The following PLXNA4 variants were observed in gnomAD, a reference collection of about 807,000 sequenced individuals.
PLXNA4 encodes plexin A4.
In PLXNA4, 44 loss-of-function variants were observed where a neutral mutation model predicts 191.8. The observed-to-expected ratio is 0.23, with a 90% CI of 0.18 to 0.29. The LOEUF is 0.29. PLXNA4 is among the 10% of genes least tolerant of loss of function. The probability of loss-of-function intolerance (pLI) is 1.00; values close to 1 mark genes in which losing one functional copy is unlikely to be tolerated. For synonymous variants in PLXNA4, 1,082 were observed against 1,009.5 expected, an observed-to-expected ratio of 1.07 and a Z score of -1.36; for missense variants, 1,800 against 2,488.8, an observed-to-expected ratio of 0.72 and a Z score of 5.89.
chr7:132,364,821 TG>T (rs1804091089), intron 3 of PLXNA4, among the ~76,000 whole-genome samples: 1 of 152,202 alleles, frequency 6.6e-6, no homozygotes, highest in South Asian at 2.1e-4. Context: ...ATACTTCTAG[TG>T]TGTGAATTTA....
chr7:132,488,497 A>G (rs950349014), intron 3 of PLXNA4, among the ~76,000 whole-genome samples: 2 of 152,214 alleles, frequency 1.3e-5, no homozygotes, highest in Non-Finnish European at 2.9e-5. Context: ...CTGGGAAAGG[A>G]CTAAAATGCA....
chr7:132,330,691 G>A (rs2116692917), intron 3 of PLXNA4, among the ~76,000 whole-genome samples: 1 of 152,236 alleles, frequency 6.6e-6, no homozygotes, highest in South Asian at 2.1e-4. Flanking sequence ...ATGGCTGAGT[G>A]TCCCAGCTGT....
intron 8 of PLXNA4, among the ~76,000 whole-genome samples, chr7:132,225,833 G>A (rs1003040625): frequency 6.6e-6 from 1 of 152,228 alleles, no homozygotes; most frequent in African/African-American, 2.4e-5. Context: ...CACAACAGAT[G>A]GTGGAGATGG....
chr7:132,365,352 T>TGCGCGC (rs1554424531), intron 3 of PLXNA4, among the ~76,000 whole-genome samples: 1,709 of 89,840 alleles, frequency 0.019, 35 homozygotes, highest in African/African-American at 0.11. Flanking sequence ...TGTGTGTGTG[T>TGCGCGC]GTGTGTGTGC....
In PLXNA4 at chr7:132,491,273, C is replaced by A. The variant is rs1361963047; in HGVS notation, c.1189-1799G>T. On this transcript the variant is annotated intron_variant, in intron 2 of 31. Transcript: ENST00000321063. Reference sequence around the variant, plus strand: ...GTGTCACTTTTTTAAAGGCTTCAATCCAGCCAAAGGAAAGGGCATCTGGAG... The same window carrying A: ...GTGTCACTTTTTTAAAGGCTTCAATACAGCCAAAGGAAAGGGCATCTGGAG... 5.3e-5 allele frequency among the ~76,000 whole-genome samples: 8 copies of A among 152,298 alleles called. No individual in the cohort carries two copies. In the East Asian group the frequency reaches 1.3e-3, roughly 26 times the overall value.
chr7:132,445,805 T>G (rs1273838451), intron 3 of PLXNA4, among the ~76,000 whole-genome samples: 1 of 152,182 alleles, frequency 6.6e-6, no homozygotes, highest in African/African-American at 2.4e-5. Flanking sequence ...CAGGAAGCTC[T>G]TCTCTCTGGG....
intron 1 of PLXNA4, among the ~76,000 whole-genome samples, chr7:132,533,312 C>T (rs1431727404): frequency 6.6e-6 from 1 of 152,164 alleles, no homozygotes; most frequent in East Asian, 1.9e-4. Context: ...CCTTGCAGTG[C>T]TCTGAGGTCC....
chr7:132,585,874 TG>T (rs1229033015), intron 2 of PLXNA4, among the ~76,000 whole-genome samples: 3 of 152,108 alleles, frequency 2.0e-5, no homozygotes, highest in Non-Finnish European at 4.4e-5. Context: ...GGCCCCAACT[TG>T]GGGGGTTAGT....
intron 3 of PLXNA4, among the ~76,000 whole-genome samples, chr7:132,367,238 C>A (rs1804222658): frequency 6.6e-6 from 1 of 152,190 alleles, no homozygotes; most frequent in Non-Finnish European, 1.5e-5. Context: ...AGCTGAGTAG[C>A]CCTGGGCTGG....
chr7:132,497,406 A>G (rs1798069878), intron 2 of PLXNA4, among the ~76,000 whole-genome samples: 1 of 152,194 alleles, frequency 6.6e-6, no homozygotes, highest in Non-Finnish European at 1.5e-5. Context: ...CCTTGAGATG[A>G]CATCGTGTTT....
At position 132,642,096 on chromosome 7, in the gene PLXNA4, G is replaced by A. The variant is rs1275055453; in HGVS notation, c.-87+3832C>T. Reference sequence around the variant, plus strand: ...ATAATATATAAGCAAATTGCAAAGTGTGACAGAAAATGAATTTACTGAAGA... The same window carrying A: ...ATAATATATAAGCAAATTGCAAAGTATGACAGAAAATGAATTTACTGAAGA... On this transcript the variant is annotated intron_variant, in intron 2 of 4. Transcript: ENST00000378539. Among the ~76,000 whole-genome samples, 4 of 152,106 alleles carry A rather than the reference G, an allele frequency of 2.6e-5. No individual in the cohort carries two copies. The East Asian group carries it at 5.8e-4, about 22-fold the overall frequency.
chr7:132,251,768 G>T lies in PLXNA4; in HGVS notation c.1504-10602C>A, dbSNP rs1038100290. Among the ~76,000 whole-genome samples the T allele has an allele frequency of 3.3e-5, 5 of 152,202 alleles. No homozygotes were observed. In the South Asian group the frequency reaches 1.0e-3, roughly 32 times the overall value. ...GTAGCATTTGCACACACCTATGGGG[G>T]GCAGAAGTGTTCTGGACCACAGGAG... On this transcript the variant is annotated intron_variant, in intron 4 of 31. Coordinates refer to ENST00000321063, the MANE Select transcript of PLXNA4 (RefSeq NM_020911.2).
intron 29 of PLXNA4, among the ~76,000 whole-genome samples, chr7:132,143,996 C>T (rs553904440): frequency 6.6e-6 from 1 of 152,292 alleles, no homozygotes; most frequent in South Asian, 2.1e-4. Context: ...ACATTGAATA[C>T]AGTTTTGGTA....
At chr7:132,474,285 C>T (rs1797043869) in intron 3 of PLXNA4, among the ~76,000 whole-genome samples, 2 of 150,348 alleles carry the variant, frequency 1.3e-5, no homozygotes, top group South Asian at 4.2e-4. Flanking sequence ...AGCACTAGGG[C>T]GTTTGGGAAA....
In PLXNA4 at chr7:132,185,493, G is replaced by A. The variant is rs367953430; in HGVS notation, c.2994-30C>T. 5.6e-5 allele frequency: 89 copies of A among 1,595,362 alleles called. 1 individual carries two copies. In the East Asian group the frequency reaches 6.9e-4, roughly 12 times the overall value. On this transcript the variant is annotated intron_variant, in intron 15 of 31. Transcript: ENST00000321063. ...AGGGCAGGAAGACAGAGCACTGGGC[G>A]CCTGGTGTTGAGGAGGACAGAGGTC...
rs533275236 is a variant in PLXNA4 at position 132,413,490 on chromosome 7, C to A, written c.1371+75802G>T. On this transcript the variant is annotated intron_variant, in intron 3 of 31. Coordinates refer to ENST00000321063, the MANE Select transcript of PLXNA4 (RefSeq NM_020911.2). ...ACAGATGTCACGATTATTCTGCCAC[C>A]AAAGAGGCACCCTCTGCCACTCCCC... Among the ~76,000 whole-genome samples the A allele has an allele frequency of 2.0e-5, 3 of 152,286 alleles. No individual in the cohort carries two copies. The East Asian group carries it at 5.8e-4, about 29-fold the overall frequency.
At chr7:132,303,301 T>C (rs1364263888) in intron 3 of PLXNA4, among the ~76,000 whole-genome samples, 1 of 151,296 alleles carries the variant, frequency 6.6e-6, no homozygotes, top group Admixed American at 6.6e-5. Context: ...CCGGGTGCTG[T>C]TGCTTAAGCC....
At position 132,185,372 on chromosome 7, in the gene PLXNA4, G is replaced by A. The variant is rs368270517; in HGVS notation, c.3085C>T (p.His1029Tyr). ...ACATACTGAAAGACCAGGTCCTGGT[G>A]GATCTTGGCCCTGTCCACCTGCACC... ...VSVQVDRAKI[H>Y]QDLVFQYVED... The change falls in exon 16 of 32, where the codon CAC becomes TAC. Residue 1029 changes from histidine to tyrosine, a missense_variant. Physicochemically the swap from His to Tyr is moderately conservative, Grantham distance 83. Around this residue, in one of 6 missense-constraint regions of PLXNA4, gnomAD observed 1,397 missense variants for 1,880.4 expected, o/e 0.74. Transcript: ENST00000321063. 6.5e-5 allele frequency: 105 copies of A among 1,613,988 alleles called. No homozygotes were observed. Among genetic ancestry groups the A allele is most frequent in the Non-Finnish European group, 8.6e-5 (102 of 1,180,010 alleles).
At chr7:132,271,431 G>GAAAAAAAAAA (rs5887561) in intron 4 of PLXNA4, among the ~76,000 whole-genome samples, 1 of 128,502 alleles carries the variant, frequency 7.8e-6, no homozygotes, top group Non-Finnish European at 1.6e-5. Context: ...AGTCACTTAG[G>GAAAAAAAAAA]AAAAAAAAAA....
Sources: gnomAD v4.1 joint callset for allele counts (sites outside exome capture counted in the v4.1 genomes callset) on GRCh38, gnomAD v4.1.1 for gene constraint, gnomAD v4.1.1 regional missense constraint, MANE v1.5 for transcripts, NCBI Gene and HGNC (gene_info 2026-07-23, HGNC 2026-07-21) for gene names.